Variants in SNN observed in about 807,000 individuals in gnomAD.
SNN encodes AG8_1.
Under a neutral mutation model 5.3 loss-of-function variants are expected in SNN, and 5 were observed. That is an observed-to-expected ratio of 0.94 (90% CI 0.49 to 1.97). SNN has a LOEUF of 1.97. Among genes scored for constraint, SNN ranks in the 30% most tolerant of loss-of-function variants. The pLI is 0.01. For synonymous variants in SNN, 67 were observed against 52.1 expected (o/e 1.29, Z -1.24); for missense variants, 127 against 121.6 (o/e 1.04, Z -0.21).
chr16:11,678,925 G>T lies in SNN; in HGVS notation c.*2599G>T. On this transcript the variant is annotated 3_prime_UTR_variant, in exon 2 of 2. Transcript: ENST00000329565. ...AAGCAACAGTGGGGGCACAGGGAGG[G>T]AACTCTTGACACTGAGCCACTAAAA... The T allele has an allele frequency of 2.3e-6, 1 of 438,160 alleles. No homozygotes were observed. The allele number at this position is 438,160 out of a possible 1,614,324, so 27.1% of individuals were successfully genotyped here. A position where few individuals can be genotyped will look rare whatever the true frequency, so the allele number is the denominator to read the frequency against.
In SNN at chr16:11,676,367, A is replaced by G. The variant is rs753146160; in HGVS notation, c.*41A>G. 3.8e-6 allele frequency: 6 copies of G among 1,592,018 alleles called. No homozygotes were observed. Among genetic ancestry groups the G allele is most frequent in the African/African-American group, 2.7e-5 (2 of 74,464 alleles). ...TCCTGGTCCTGTTTGCAGCCGGCCA[A>G]GAGGCGCTGGGAGGGGCAAAACCAT... On this transcript the variant is annotated 3_prime_UTR_variant, in exon 2 of 2. Coordinates refer to ENST00000329565, the MANE Select transcript of SNN (RefSeq NM_003498.6).
At chr16:11,675,004 C>A (rs1341304229) in intron 1 of SNN, among the ~76,000 whole-genome samples, 2 of 152,176 alleles carry the variant, frequency 1.3e-5, no homozygotes, top group South Asian at 2.1e-4. Flanking sequence ...CTCCATCTCC[C>A]GGGACACTCT....
At chr16:11,673,503 G>A (rs1352963214) in intron 1 of SNN, among the ~76,000 whole-genome samples, 1 of 152,190 alleles carries the variant, frequency 6.6e-6, no homozygotes, top group African/African-American at 2.4e-5. Context: ...TCTCCAGCCG[G>A]GCCATCTGCG....
chr16:11,670,072 G>A (rs768720457), intron 1 of SNN, among the ~76,000 whole-genome samples: 2 of 152,214 alleles, frequency 1.3e-5, no homozygotes, highest in African/African-American at 2.4e-5. Context: ...CAGAACGGAC[G>A]TCCCGCCTCG....
chr16:11,676,136 G>A lies in SNN; in HGVS notation c.77G>A (p.Gly26Glu). 1 of 1,614,188 alleles carries A rather than the reference G, an allele frequency of 6.2e-7. No homozygotes were observed. The highest frequency in any genetic ancestry group is 8.5e-7 in the Non-Finnish European group (1 of 1,180,032). ...IVILIAIAAL[G>E]ALILGCWCYL... is the part of the protein sequence containing the mutation. Reference sequence around the variant, plus strand: ...ATCCTCATTGCCATCGCGGCCCTGGGGGCCTTGATCCTGGGCTGCTGGTGC... The same window carrying A: ...ATCCTCATTGCCATCGCGGCCCTGGAGGCCTTGATCCTGGGCTGCTGGTGC... Residue 26 changes from glycine to glutamate, a missense_variant, in exon 2 of 2, where the codon GGG becomes GAG. By Grantham distance (98) the Gly-to-Glu change is moderately conservative. Transcript: ENST00000329565.
In SNN at chr16:11,676,310, C is replaced by G; in HGVS notation, c.251C>G (p.Pro84Arg). The G allele has an allele frequency of 6.2e-7, 1 of 1,613,156 alleles. No homozygotes were observed. Among genetic ancestry groups the G allele is most frequent in the Non-Finnish European group, 8.5e-7 (1 of 1,179,262 alleles). The change falls in exon 2 of 2, where the codon CCG becomes CGG. Residue 84 changes from proline (P) to arginine (R), a missense_variant. Transcript: ENST00000329565. The part of the protein sequence containing the change: ...RKAKLMTPNG[P>R]EVHG ...GCCAAGCTGATGACTCCCAACGGCC[C>G]GGAAGTCCACGGCTGAGCCAGGATG...
Position 11,676,446 on chromosome 16 carries a change from G to C in SNN, c.*120G>C. On this transcript the variant is annotated 3_prime_UTR_variant, in exon 2 of 2. Transcript: ENST00000329565. ...GCTGACACTTGCTGGCATGGCCTCT[G>C]CGGGCTTCGTCATCGCATGCACTGA... 1 of 1,274,672 alleles carries C rather than the reference G, an allele frequency of 7.8e-7. No homozygotes were observed. The highest frequency in any genetic ancestry group is 1.1e-6 in the Non-Finnish European group (1 of 928,780). 79.0% of individuals were successfully genotyped at this position (1,274,672 alleles called of 1,614,324 possible). A position where few individuals can be genotyped will look rare whatever the true frequency, so the allele number is the denominator to read the frequency against.
At chr16:11,673,340 T>A (rs934980363) in intron 1 of SNN, among the ~76,000 whole-genome samples, 2 of 152,086 alleles carry the variant, frequency 1.3e-5, no homozygotes, top group African/African-American at 4.8e-5. Flanking sequence ...GTGGAGCTCA[T>A]GGCCCGCTGG....
At position 11,676,682 on chromosome 16, in the gene SNN, G is replaced by C. The variant is rs538234009; in HGVS notation, c.*356G>C. 3.8e-6 allele frequency: 1 copy of C among 266,596 alleles called. No individual in the cohort carries two copies. The highest frequency in any genetic ancestry group is 7.7e-5 in the East Asian group (1 of 12,982). 16.5% of individuals were successfully genotyped at this position (266,596 alleles called of 1,614,324 possible). On this transcript the variant is annotated 3_prime_UTR_variant, in exon 2 of 2. Coordinates refer to ENST00000329565, the MANE Select transcript of SNN (RefSeq NM_003498.6). ...ACTGTAAATAGGCCCCTGGAAGCAC[G>C]TGCTTAAGCCCTTTTGCTGATTTTT... is the stretch of plus-strand genomic sequence containing the variant.
At chr16:11,674,319 C>T (rs1052625562) in intron 1 of SNN, among the ~76,000 whole-genome samples, 7 of 152,288 alleles carry the variant, frequency 4.6e-5, no homozygotes, top group Admixed American at 2.0e-4. Context: ...CTGTTTGTGG[C>T]GAGCGAGGCA....
In SNN at chr16:11,675,836, G is replaced by A. The variant is rs71383283; in HGVS notation, c.-85-139G>A. ...GGTCATGAACAGGAGCTGGGTGAGC[G>A]TGGGTGAGCAGACGCCTTCGAACGC... On this transcript the variant is annotated intron_variant, in intron 1 of 1. Transcript: ENST00000329565. The A allele has an allele frequency of 3.7e-3, 1,920 of 512,608 alleles. 5 individuals carry two copies. The highest frequency in any genetic ancestry group is 0.012 in the Middle Eastern group (24 of 1,934). The allele number at this position is 512,608 out of a possible 1,614,324, so 31.8% of individuals were successfully genotyped here.
At chr16:11,674,238 C>T (rs959965991) in intron 1 of SNN, among the ~76,000 whole-genome samples, 4 of 152,214 alleles carry the variant, frequency 2.6e-5, no homozygotes, top group Non-Finnish European at 4.4e-5. Flanking sequence ...GACCGCACGC[C>T]CAGTCCTGTG....
rs1241717586 is a variant in SNN at position 11,668,951 on chromosome 16, G to T, written c.-86+411G>T. ...GATAGGGGTCCAGGTGACGTCCGGC[G>T]CCCGTCTCGCGGGTAGGGAAACTGA... On this transcript the variant is annotated intron_variant, in intron 1 of 1. Transcript: ENST00000329565. This position sits in a 1 kb window ranked among gnomAD's most constrained non-coding sequence, Gnocchi z 6.8. Among the ~76,000 whole-genome samples the T allele has an allele frequency of 6.6e-6, 1 of 151,884 alleles. No homozygotes were observed. Among genetic ancestry groups the T allele is most frequent in the Admixed American group, 6.5e-5 (1 of 15,276 alleles).
rs1427740254 is a variant in SNN, at chr16:11,671,622, G to A, written c.-86+3082G>A. 6.6e-6 allele frequency among the ~76,000 whole-genome samples: 1 copy of A among 152,208 alleles called. No individual in the cohort carries two copies. Among genetic ancestry groups the A allele is most frequent in the Non-Finnish European group, 1.5e-5 (1 of 68,034 alleles). On this transcript the variant is annotated intron_variant, in intron 1 of 1. Coordinates refer to ENST00000329565, the MANE Select transcript of SNN (RefSeq NM_003498.6). The surrounding 1 kb of genome is among the most constrained non-coding windows in gnomAD (Gnocchi z 4.7). ...AATGTGAGCTGCTGTCATGATGGTT[G>A]TTGGGTGGGCCAGGATTCCCATGTG...
rs921868685 is a variant in SNN at position 11,678,278 on chromosome 16, G to C, written c.*1952G>C. 9.6e-5 allele frequency: 16 copies of C among 167,124 alleles called. No homozygotes were observed. The highest frequency in any genetic ancestry group is 3.9e-4 in the African/African-American group (16 of 41,426). 10.4% of individuals were successfully genotyped at this position (167,124 alleles called of 1,614,324 possible). A position where few individuals can be genotyped will look rare whatever the true frequency, so the allele number is the denominator to read the frequency against. Reference sequence around the variant, plus strand: ...AAGAAGGGGGTAAAAGTTTGCTTTGGTGAGTGAGAAAAGGCTGGGGCGTGT... The same window carrying C: ...AAGAAGGGGGTAAAAGTTTGCTTTGCTGAGTGAGAAAAGGCTGGGGCGTGT... On this transcript the variant is annotated 3_prime_UTR_variant, in exon 2 of 2. Coordinates refer to ENST00000329565, the MANE Select transcript of SNN (RefSeq NM_003498.6).
At chr16:11,675,740 G>T (rs8191323) in intron 1 of SNN, among the ~76,000 whole-genome samples, 1 of 152,066 alleles carries the variant, frequency 6.6e-6, no homozygotes, top group East Asian at 1.9e-4. Context: ...TGTCGCTGTC[G>T]CAGTGTTCCC....
intron 1 of SNN, among the ~76,000 whole-genome samples, chr16:11,673,440 G>A (rs527755451): frequency 7.6e-4 from 116 of 152,308 alleles, no homozygotes; most frequent in African/African-American, 2.7e-3. Flanking sequence ...GAGCCCGGCC[G>A]GGTTGGGAAA....
At position 11,678,744 on chromosome 16, in the gene SNN, T is replaced by TTTGA. The variant is rs1567281985; in HGVS notation, c.*2420_*2421insGATT. 1 of 178,394 alleles carries TTTGA rather than the reference T, an allele frequency of 5.6e-6. No individual in the cohort carries two copies. The highest frequency in any genetic ancestry group is 1.3e-5 in the Non-Finnish European group (1 of 75,178). The allele number at this position is 178,394 out of a possible 1,614,324, so 11.1% of individuals were successfully genotyped here. On this transcript the variant is annotated 3_prime_UTR_variant, in exon 2 of 2. Coordinates refer to ENST00000329565, the MANE Select transcript of SNN (RefSeq NM_003498.6). ...GTGAACCACATCATAGCTCTCACTG[T>TTTGA]TTTTTCAATAGCTACTTTTTTTAGC...
Position 11,671,662 on chromosome 16 carries a change from T to C in SNN, c.-86+3122T>C, listed in dbSNP as rs2868981. ...ATTCCCATGTGCCAGCCTGGGCATC[T>C]CCCCAACCCAAGCTGTGGCCCGTCC... is the stretch of plus-strand genomic sequence containing the variant. On this transcript the variant is annotated intron_variant, in intron 1 of 1. Transcript: ENST00000329565. This position sits in a 1 kb window ranked among gnomAD's most constrained non-coding sequence, Gnocchi z 4.7. Among the ~76,000 whole-genome samples, 87,027 of 152,012 alleles carry C rather than the reference T, an allele frequency of 0.57. 25,567 individuals carry two copies. The highest frequency in any genetic ancestry group is 0.68 in the African/African-American group (28,214 of 41,462).
Sources: gnomAD v4.1 joint callset for allele counts (sites outside exome capture counted in the v4.1 genomes callset) on GRCh38, gnomAD v4.1.1 for gene constraint, Gnocchi (gnomAD v3.1) non-coding constraint, MANE v1.5 for transcripts, NCBI Gene and HGNC (gene_info 2026-07-23, HGNC 2026-07-21) for gene names.